ALDH1A2: variants seen among roughly 807,000 people sequenced by gnomAD.
ALDH1A2 encodes aldehyde dehydrogenase 1 family member A2, also known as retinal dehydrogenase 2.
ALDH1A2 carries 27 observed loss-of-function variants against 60.3 expected under a neutral mutation model. The observed-to-expected ratio is 0.45, with a 90% CI of 0.33 to 0.62. The LOEUF (loss-of-function observed/expected upper bound fraction) is 0.62. Ranked by LOEUF, ALDH1A2 falls within the 20% of genes least tolerant of loss-of-function variation. ALDH1A2 has a pLI of 0.02. For synonymous variants in ALDH1A2, 289 were observed against 232.4 expected, an observed-to-expected ratio of 1.24 and a Z score of -2.21; for missense variants, 581 against 643.8, an observed-to-expected ratio of 0.90 and a Z score of 1.06.
At chr15:57,980,137 C>G (rs1470368823) in intron 7 of ALDH1A2, 1 of 286,448 alleles carries the variant, frequency 3.5e-6, no homozygotes, top group East Asian at 1.0e-4. Context: ...TGTTGGTGCC[C>G]ATTTGCAGCC....
chr15:58,031,654 A>C (rs1595678719), intron 1 of ALDH1A2, among the ~76,000 whole-genome samples: 1 of 152,102 alleles, frequency 6.6e-6, no homozygotes, highest in South Asian at 2.1e-4. Flanking sequence ...CAAAGAACTT[A>C]AATTTACAAG....
chr15:57,977,381 A>T (rs1295894972), intron 7 of ALDH1A2, among the ~76,000 whole-genome samples: 3 of 152,120 alleles, frequency 2.0e-5, no homozygotes, highest in African/African-American at 7.2e-5. Context: ...TTTAGTTCTT[A>T]CGTTTAAGTC....
At chr15:57,980,048 G>C (rs1188853958) in intron 7 of ALDH1A2, 14 of 324,708 alleles carry the variant, frequency 4.3e-5, no homozygotes, top group African/African-American at 1.5e-4. Flanking sequence ...TGGTCCATGG[G>C]GGGGCAGGAT....
intron 1 of ALDH1A2, among the ~76,000 whole-genome samples, chr15:58,045,825 T>C (rs1174583689): frequency 6.6e-6 from 1 of 152,004 alleles, no homozygotes; most frequent in East Asian, 1.9e-4. Flanking sequence ...GAACTTAAAG[T>C]ATAATTAAAA....
At chr15:58,010,577 T>G (rs1895600457) in intron 4 of ALDH1A2, 72 bp downstream of exon 4, 3 of 1,592,914 alleles carry the variant, frequency 1.9e-6, no homozygotes, top group South Asian at 1.1e-5. Context: ...GACTGCTGTT[T>G]GTGTTTGGTG....
At chr15:57,992,438 A>G (rs565926700) in intron 7 of ALDH1A2, among the ~76,000 whole-genome samples, 1 of 152,224 alleles carries the variant, frequency 6.6e-6, no homozygotes, top group Non-Finnish European at 1.5e-5. Context: ...CCGCTATTCA[A>G]CAAAGTGTCT....
chr15:57,960,634 ATAG>A, intron 12 of ALDH1A2, 133 bp downstream of exon 12: 1 of 749,162 alleles, frequency 1.3e-6, no homozygotes. Flanking sequence ...AACTTAGCTT[ATAG>A]TAGCATGTGC....
chr15:57,992,895 C>CA, intron 6 of ALDH1A2, 50 bp downstream of exon 6: 1 of 1,613,652 alleles, frequency 6.2e-7, no homozygotes, highest in Non-Finnish European at 8.5e-7. Context: ...CTCTAGTAGG[C>CA]TCCAGCTGTA....
chr15:58,019,167 T>G (rs987480769), intron 1 of ALDH1A2, among the ~76,000 whole-genome samples: 3 of 152,162 alleles, frequency 2.0e-5, no homozygotes, highest in Non-Finnish European at 4.4e-5. Context: ...AAAAAAAAGT[T>G]TAAAAGTCAG....
At chr15:57,991,065 C>T (rs1260826048) in intron 7 of ALDH1A2, among the ~76,000 whole-genome samples, 1 of 152,062 alleles carries the variant, frequency 6.6e-6, no homozygotes, top group Non-Finnish European at 1.5e-5. Context: ...TTAAATCACA[C>T]CCCTAAATTA....
chr15:57,984,451 C>T (rs1184489255), intron 7 of ALDH1A2, among the ~76,000 whole-genome samples: 1 of 152,160 alleles, frequency 6.6e-6, no homozygotes, highest in Non-Finnish European at 1.5e-5. Context: ...CAGAGTTGTG[C>T]ATCCATCACA....
At chr15:58,044,839 G>T (rs1038410234) in intron 1 of ALDH1A2, among the ~76,000 whole-genome samples, 8 of 151,974 alleles carry the variant, frequency 5.3e-5, no homozygotes, top group Non-Finnish European at 4.4e-5. Flanking sequence ...TGAGCAGAGG[G>T]AAAAGGGAAT....
intron 4 of ALDH1A2, among the ~76,000 whole-genome samples, chr15:58,002,091 G>A (rs1470187521): frequency 2.0e-5 from 3 of 151,862 alleles, no homozygotes; most frequent in African/African-American, 7.2e-5. Context: ...TAACTTTTCT[G>A]ATGAGTTTTG....
At position 57,955,045 on chromosome 15, in the gene ALDH1A2, G is replaced by C; in HGVS notation, c.*152C>G. 3.5e-6 allele frequency: 3 copies of C among 865,468 alleles called. No homozygotes were observed. Among genetic ancestry groups the C allele is most frequent in the Non-Finnish European group, 5.9e-6 (3 of 509,466 alleles). 53.6% of individuals were successfully genotyped at this position (865,468 alleles called of 1,614,324 possible). On this transcript the variant is annotated 3_prime_UTR_variant, in exon 13 of 13. Transcript: ENST00000249750. ...AACTGTACCCAGCTGGTTTGCTTTAGTTGTGCAGTGACCTGCCTGGCCTAC... is the reference window on the plus strand; with the variant it reads ...AACTGTACCCAGCTGGTTTGCTTTACTTGTGCAGTGACCTGCCTGGCCTAC...
At chr15:58,029,084 C>T (rs533877571) in intron 1 of ALDH1A2, among the ~76,000 whole-genome samples, 3 of 152,260 alleles carry the variant, frequency 2.0e-5, no homozygotes, top group Admixed American at 6.5e-5. Flanking sequence ...CAAATCAACA[C>T]AATATACATT....
chr15:57,981,827 C>T (rs534171151), intron 7 of ALDH1A2, among the ~76,000 whole-genome samples: 1 of 152,202 alleles, frequency 6.6e-6, no homozygotes, highest in African/African-American at 2.4e-5. Context: ...TCTAGATATA[C>T]TAGCTTTTCT....
chr15:58,016,089 A>T (rs1406339208), intron 1 of ALDH1A2, among the ~76,000 whole-genome samples: 21 of 151,998 alleles, frequency 1.4e-4, no homozygotes, highest in Non-Finnish European at 4.4e-5. Flanking sequence ...CATGTGACTG[A>T]ATCAAACTTT....
chr15:58,000,037 G>T (rs1424511776), intron 4 of ALDH1A2, among the ~76,000 whole-genome samples: 2 of 151,768 alleles, frequency 1.3e-5, no homozygotes, highest in African/African-American at 2.4e-5. Flanking sequence ...GGGAACAACA[G>T]ACATTGGCAC....
At chr15:57,965,013 G>GAA (rs4646621) in intron 8 of ALDH1A2, among the ~76,000 whole-genome samples, 1 of 143,770 alleles carries the variant, frequency 7.0e-6, no homozygotes, top group African/African-American at 2.6e-5. Context: ...CAAGTGGAGG[G>GAA]AAAAAAAAAA....
Sources: allele counts gnomAD v4.1 joint callset (sites outside exome capture counted in the v4.1 genomes callset), GRCh38; gene constraint gnomAD v4.1.1; transcripts MANE v1.5; gene names NCBI Gene and HGNC (gene_info 2026-07-23, HGNC 2026-07-21).